Variants in ABCA10 observed in about 807,000 individuals in gnomAD.
The protein encoded by ABCA10 is ATP binding cassette subfamily A member 10.
In ABCA10, 169 loss-of-function variants were observed where a neutral mutation model predicts 187.5. The ratio of observed to expected loss-of-function variants is 0.90; its 90% CI spans 0.80 to 1.02. The LOEUF is 1.02. Among genes scored for constraint, ABCA10 ranks in the 50% least tolerant of loss-of-function variants. The pLI is 0.00. For missense variants in ABCA10, 1,727 were observed against 1,812.4 expected (o/e 0.95, Z 0.86); for synonymous variants, 574 against 601.8 (o/e 0.95, Z 0.68).
upstream of ABCA10, among the ~76,000 whole-genome samples, chr17:69,230,560 A>C (rs2074825694): frequency 6.6e-6 from 1 of 152,110 alleles, no homozygotes; most frequent in African/African-American, 2.4e-5. Flanking sequence ...CTCCAGATTT[A>C]GGCTTATGCA....
chr17:69,211,492 A>C (rs2074658847), intron 9 of ABCA10, among the ~76,000 whole-genome samples: 1 of 151,514 alleles, frequency 6.6e-6, no homozygotes, highest in South Asian at 2.1e-4. Context: ...TCCTGGCTTC[A>C]TAGAATGATT....
At chr17:69,206,416 C>T (rs998983494) in intron 9 of ABCA10, among the ~76,000 whole-genome samples, 35 of 152,164 alleles carry the variant, frequency 2.3e-4, no homozygotes, top group South Asian at 2.1e-4. Context: ...AAAATACCTT[C>T]ACAAGCGCTA....
rs1442435164 is a variant in ABCA10, at chr17:69,148,900, T to C, written c.4559A>G (p.Gln1520Arg). The change falls in exon 39 of 39, where the codon CAG becomes CGG. Residue 1520 changes from glutamine to arginine, a missense_variant. Gln to Arg is a conservative substitution (Grantham distance 43, BLOSUM62 1). Transcript: ENST00000690296. ...TTTATCATCAACATTTCCCAGCTCCTGCTCTTTACAGAGTTCTAAGAATAC... is the reference window on the plus strand; with the variant it reads ...TTTATCATCAACATTTCCCAGCTCCCGCTCTTTACAGAGTTCTAAGAATAC... ...EQVFLELCKE[Q>R]ELGNVDDKID... is the part of the protein sequence containing the mutation. 1.2e-6 allele frequency: 2 copies of C among 1,613,670 alleles called. No homozygotes were observed. The highest frequency in any genetic ancestry group is 1.7e-6 in the Non-Finnish European group (2 of 1,179,826).
Position 69,200,235 on chromosome 17 carries a change from G to T in ABCA10, c.1175+1265C>A, listed in dbSNP as rs1055331083. On this transcript the variant is annotated intron_variant, in intron 10 of 38. Transcript: ENST00000690296. ...TAGGCCATGTAAAAGCTTTACATGT[G>T]ATAGCTCATTGACTCTTTATGACAA... Among the ~76,000 whole-genome samples the T allele has an allele frequency of 2.0e-5, 3 of 152,156 alleles. No homozygotes were observed. In the East Asian group the frequency reaches 5.8e-4, roughly 29 times the overall value.
At chr17:69,210,170 CTTTTTTTTTTT>C (rs1160992125) in intron 9 of ABCA10, among the ~76,000 whole-genome samples, 866 of 70,842 alleles carry the variant, frequency 0.012, 8 homozygotes, top group African/African-American at 0.052. Flanking sequence ...GTGGTTATTT[CTTTTTTTTTTT>C]TTTTTTTTTT....
intron 9 of ABCA10, among the ~76,000 whole-genome samples, chr17:69,213,047 A>G (rs2074672310): frequency 6.6e-6 from 1 of 152,220 alleles, no homozygotes. Flanking sequence ...GGACAGACTC[A>G]GGACCTCTGG....
chr17:69,229,417 A>T (rs2074816427), upstream of ABCA10, among the ~76,000 whole-genome samples: 1 of 152,058 alleles, frequency 6.6e-6, no homozygotes, highest in African/African-American at 2.4e-5. Context: ...AGTGGTATAG[A>T]CTAGATGGCA....
In ABCA10 at chr17:69,187,712, A is replaced by C. The variant is rs748577931; in HGVS notation, c.2299T>G (p.Leu767Val). 1.5e-5 allele frequency: 25 copies of C among 1,613,722 alleles called. No homozygotes were observed. In the East Asian group the frequency reaches 5.1e-4, roughly 33 times the overall value. The change falls in exon 19 of 39, where the codon TTA becomes GTA. Residue 767 changes from leucine to valine, a missense_variant. Physicochemically the swap from Leu to Val is conservative, Grantham distance 32 (BLOSUM62 1). Coordinates refer to ENST00000690296, the MANE Select transcript of ABCA10 (RefSeq NM_001377321.1). Reference sequence around the variant, plus strand: ...AAAAGAGCTCTCCTTTCACGCCTTAACTTTAAGAAGCGAAGTGTTGCCACT... The same window carrying C: ...AAAAGAGCTCTCCTTTCACGCCTTACCTTTAAGAAGCGAAGTGTTGCCACT... ...YAVATLRFLK[L>V]RRERRALLCL...
intron 1 of ABCA10, among the ~76,000 whole-genome samples, chr17:69,235,423 C>T (rs1440955176): frequency 1.3e-5 from 2 of 152,184 alleles, no homozygotes; most frequent in Middle Eastern, 3.2e-3. Flanking sequence ...CTCTGGCTCA[C>T]CCCTCTTACT....
Position 69,236,197 on chromosome 17 carries a change from C to T in ABCA10, c.-592-7337G>A, listed in dbSNP as rs1396536440. Among the ~76,000 whole-genome samples the T allele has an allele frequency of 2.0e-5, 3 of 152,192 alleles. No homozygotes were observed. In the East Asian group the frequency reaches 5.8e-4, roughly 29 times the overall value. ...GCTATTCAAACTTGTGGATCGGCCA[C>T]ACTGTCTTTATAAACAGTTTATTTT... On this transcript the variant is annotated intron_variant, in intron 1 of 39. Transcript: ENST00000269081.
At chr17:69,170,817 T>C (rs192515992) in intron 25 of ABCA10, among the ~76,000 whole-genome samples, 1 of 152,212 alleles carries the variant, frequency 6.6e-6, no homozygotes, top group East Asian at 1.9e-4. Context: ...CCTTGGACCA[T>C]TAAGTAAACA....
At chr17:69,181,734 T>C (rs191721267) in intron 22 of ABCA10, among the ~76,000 whole-genome samples, 1 of 152,118 alleles carries the variant, frequency 6.6e-6, no homozygotes. Flanking sequence ...AGCAAACATG[T>C]ATTTGAATGT....
At chr17:69,182,379 A>G in intron 21 of ABCA10, 89 bp from the exon 22 acceptor site, 1 of 1,120,254 alleles carries the variant, frequency 8.9e-7, no homozygotes, top group Admixed American at 3.7e-5. Context: ...GTGGAATTAG[A>G]ATGAGAAGGA....
chr17:69,175,563 A>G, intron 22 of ABCA10, 50 bp from the exon 23 acceptor site: 2 of 1,401,622 alleles, frequency 1.4e-6, no homozygotes, highest in Non-Finnish European at 2.0e-6. Context: ...TACAAATTAT[A>G]CAAACATTAT....
intron 25 of ABCA10, among the ~76,000 whole-genome samples, chr17:69,168,170 A>G (rs1461374241): frequency 2.0e-5 from 3 of 152,200 alleles, no homozygotes; most frequent in Non-Finnish European, 2.9e-5. Flanking sequence ...ATATATATAC[A>G]AAATACACGT....
At chr17:69,175,304 C>T in intron 23 of ABCA10, 102 bp downstream of exon 23, 1 of 993,256 alleles carries the variant, frequency 1.0e-6, no homozygotes, top group Non-Finnish European at 1.5e-6. Flanking sequence ...TGTGTAAAAA[C>T]ATTAACCAAA....
chr17:69,152,313 C>T, intron 35 of ABCA10, 49 bp downstream of exon 35: 2 of 1,587,416 alleles, frequency 1.3e-6, no homozygotes, highest in Non-Finnish European at 1.7e-6. Context: ...AACTGAAACT[C>T]TCTCTATAAG....
intron 1 of ABCA10, among the ~76,000 whole-genome samples, chr17:69,243,344 G>A (rs1297463880): frequency 6.6e-6 from 1 of 152,164 alleles, no homozygotes; most frequent in Non-Finnish European, 1.5e-5. Context: ...ACACATCTAG[G>A]CTATATGATA....
chr17:69,240,156 C>T (rs1232640191), intron 1 of ABCA10, among the ~76,000 whole-genome samples: 2 of 152,196 alleles, frequency 1.3e-5, no homozygotes, highest in Admixed American at 1.3e-4. Context: ...AAAATCCAGT[C>T]CCATGCACAT....
Sources: allele counts gnomAD v4.1 joint callset (sites outside exome capture counted in the v4.1 genomes callset), GRCh38; gene constraint gnomAD v4.1.1; transcripts MANE v1.5; gene names NCBI Gene and HGNC (gene_info 2026-07-23, HGNC 2026-07-21).